Variants in ERAP1 observed in about 807,000 individuals in gnomAD.
ERAP1 encodes the protein endoplasmic reticulum aminopeptidase 1, also known as adipocyte-derived leucine aminopeptidase.
ERAP1 carries 86 observed loss-of-function variants against 103.7 expected under a neutral mutation model. The ratio of observed to expected loss-of-function variants is 0.83; its 90% confidence interval spans 0.70 to 0.99. The LOEUF is 0.99. Among genes scored for constraint, ERAP1 ranks in the 50% least tolerant of loss-of-function variants. ERAP1 has a pLI of 0.00. For synonymous variants in ERAP1, 398 were observed against 402.4 expected (o/e 0.99, Z 0.13); for missense variants, 1,009 against 1,128.4 (o/e 0.89, Z 1.52).
the ERAP1 span, among the ~76,000 whole-genome samples, chr5:96,865,574 T>A: frequency 2.0e-5 from 3 of 152,200 alleles, no homozygotes; most frequent in Non-Finnish European, 4.4e-5. Context: ...AAATTGGTAA[T>A]CAGCAGTGGA....
chr5:96,903,310 C>G, the ERAP1 span: 1 of 1,204,500 alleles, frequency 8.3e-7, no homozygotes, highest in Non-Finnish European at 1.1e-6. Context: ...TTAAAAATAA[C>G]AGTTCTGGAG....
chr5:96,905,782 GC>G, the ERAP1 span, among the ~76,000 whole-genome samples: 2 of 152,110 alleles, frequency 1.3e-5, no homozygotes, highest in Non-Finnish European at 2.9e-5. Context: ...TACTTGGGTG[GC>G]TGAGGCACAT....
the ERAP1 span, among the ~76,000 whole-genome samples, chr5:96,883,578 AT>A: frequency 6.6e-6 from 1 of 152,208 alleles, no homozygotes; most frequent in Non-Finnish European, 1.5e-5. Flanking sequence ...TGTAATTAGC[AT>A]TCCCAAAACA....
chr5:96,891,824 T>A, the ERAP1 span, among the ~76,000 whole-genome samples: 1 of 152,176 alleles, frequency 6.6e-6, no homozygotes, highest in African/African-American at 2.4e-5. Flanking sequence ...TAGAGATGGC[T>A]CCTAAGAGGT....
At chr5:96,791,964 T>A in intron 8 of ERAP1, 97 bp downstream of exon 8, 1 of 1,370,916 alleles carries the variant, frequency 7.3e-7, no homozygotes, top group Middle Eastern at 1.8e-4. Context: ...AGGCATTCAA[T>A]CTGGGTTTAA....
chr5:96,778,129 A>C (rs1774616620), intron 18 of ERAP1, among the ~76,000 whole-genome samples: 1 of 152,200 alleles, frequency 6.6e-6, no homozygotes, highest in Admixed American at 6.5e-5. Flanking sequence ...CCATTTGTTC[A>C]CCAATATTTA....
chr5:96,882,756 A>C, the ERAP1 span, among the ~76,000 whole-genome samples: 1 of 152,192 alleles, frequency 6.6e-6, no homozygotes, highest in South Asian at 2.1e-4. Context: ...TTGAGGCCAC[A>C]AGTGAATCAT....
chr5:96,808,752 A>G (rs1778967404), upstream of ERAP1, among the ~76,000 whole-genome samples: 1 of 152,240 alleles, frequency 6.6e-6, no homozygotes, highest in South Asian at 2.1e-4. Flanking sequence ...GACCATCTTT[A>G]AACAGTTGAG....
the ERAP1 span, among the ~76,000 whole-genome samples, chr5:96,839,314 C>A: frequency 6.6e-6 from 1 of 152,192 alleles, no homozygotes; most frequent in Non-Finnish European, 1.5e-5. Context: ...TCCCCACCAC[C>A]CCCCAGAGAT....
At chr5:96,799,004 A>T (rs895112584) in intron 3 of ERAP1, among the ~76,000 whole-genome samples, 5 of 151,554 alleles carry the variant, frequency 3.3e-5, no homozygotes, top group African/African-American at 1.2e-4. Flanking sequence ...AGTAGCTAAG[A>T]TTACAGACAT....
the ERAP1 span, chr5:96,881,599 G>T: frequency 6.4e-5 from 27 of 421,832 alleles, no homozygotes; most frequent in African/African-American, 4.9e-4. Context: ...CATGCAACAA[G>T]AAGTCCAGAA....
At chr5:96,801,796 G>A (rs1210953067) in intron 2 of ERAP1, among the ~76,000 whole-genome samples, 1 of 133,470 alleles carries the variant, frequency 7.5e-6, no homozygotes, top group Non-Finnish European at 1.6e-5. Context: ...AGGTTGCGGT[G>A]AGCCGAGTTC....
At chr5:96,844,313 C>T in the ERAP1 span, among the ~76,000 whole-genome samples, 1 of 152,158 alleles carries the variant, frequency 6.6e-6, no homozygotes, top group Non-Finnish European at 1.5e-5. Context: ...AGGTATAATT[C>T]AAATATACTT....
chr5:96,903,669 G>T, the ERAP1 span: 1 of 1,046,888 alleles, frequency 9.6e-7, no homozygotes, highest in Non-Finnish European at 1.4e-6. Flanking sequence ...ATATGGATTT[G>T]AATGGAATTC....
the ERAP1 span, chr5:96,892,480 G>A: frequency 6.6e-5 from 107 of 1,612,018 alleles, no homozygotes; most frequent in African/African-American, 8.0e-5. Flanking sequence ...ACATTATCTC[G>A]ATATCAGTTC....
At chr5:96,804,109 C>T (rs1778294064) in intron 1 of ERAP1, among the ~76,000 whole-genome samples, 166 bp from the exon 2 acceptor site, 1 of 152,152 alleles carries the variant, frequency 6.6e-6, no homozygotes, top group Non-Finnish European at 1.5e-5. Context: ...GTTATGGTTT[C>T]ATATAAGAAA....
the ERAP1 span, among the ~76,000 whole-genome samples, chr5:96,846,948 G>A: frequency 6.7e-6 from 1 of 148,424 alleles, no homozygotes; most frequent in Non-Finnish European, 1.5e-5. Context: ...CCATTTAAAA[G>A]TTGAGTACAG....
intron 2 of ERAP1, 44 bp from the exon 3 acceptor site, chr5:96,801,044 A>G (rs765886966): frequency 1.2e-6 from 2 of 1,608,432 alleles, no homozygotes; most frequent in Non-Finnish European, 8.5e-7. Flanking sequence ...ATGAAGCACC[A>G]GGAACTCTAA....
chr5:96,892,547 T>G, the ERAP1 span: 1 of 1,453,470 alleles, frequency 6.9e-7, no homozygotes, highest in Admixed American at 1.9e-5. Flanking sequence ...AATCATCTCA[T>G]TTACCTCTAG....
Sources: allele counts gnomAD v4.1 joint callset (sites outside exome capture counted in the v4.1 genomes callset), GRCh38; gene constraint gnomAD v4.1.1; transcripts MANE v1.5; gene names NCBI Gene and HGNC (gene_info 2026-07-23, HGNC 2026-07-21).